The following SKAP2 variants were observed in gnomAD, a reference collection of about 807,000 sequenced individuals.
SKAP2 encodes src kinase associated phosphoprotein 2, also known as src kinase-associated phosphoprotein 2.
Under a neutral mutation model 54.9 loss-of-function variants are expected in SKAP2, and 28 were observed. The ratio of observed to expected loss-of-function variants is 0.51; its 90% confidence interval spans 0.38 to 0.70. The LOEUF (loss-of-function observed/expected upper bound fraction) is 0.70. Among genes scored for constraint, SKAP2 ranks in the 30% least tolerant of loss-of-function variants. The pLI is 0.00. For missense variants in SKAP2, 356 were observed against 424.1 expected (o/e 0.84, Z 1.41); for synonymous variants, 137 against 134.3 (o/e 1.02, Z -0.14).
At chr7:26,795,321 T>A (rs74741751) in intron 4 of SKAP2, among the ~76,000 whole-genome samples, 1 of 152,340 alleles carries the variant, frequency 6.6e-6, no homozygotes, top group East Asian at 1.9e-4. Flanking sequence ...TTCATCTGGA[T>A]GAACATACTA....
intron 4 of SKAP2, among the ~76,000 whole-genome samples, chr7:26,750,394 C>T (rs1264841237): frequency 1.3e-5 from 2 of 150,872 alleles, no homozygotes; most frequent in African/African-American, 4.9e-5. Context: ...TCGCTGCAAC[C>T]TCCAACCACC....
At chr7:26,731,876 T>C (rs542618831) in intron 6 of SKAP2, among the ~76,000 whole-genome samples, 1 of 152,358 alleles carries the variant, frequency 6.6e-6, no homozygotes, top group Admixed American at 6.5e-5. Flanking sequence ...ACAGACCTTC[T>C]ATTTTTCTGG....
chr7:26,721,858 G>A (rs917813750), intron 9 of SKAP2, among the ~76,000 whole-genome samples: 1 of 152,122 alleles, frequency 6.6e-6, no homozygotes, highest in Non-Finnish European at 1.5e-5. Flanking sequence ...GCAATTTCAC[G>A]AGTATTATTT....
At position 26,719,932 on chromosome 7, in the gene SKAP2, G is replaced by A. The variant is rs1004976289; in HGVS notation, c.796+5496C>T. On this transcript the variant is annotated intron_variant, in intron 9 of 12. Transcript: ENST00000345317. Reference sequence around the variant, plus strand: ...GTTGTCTATTACATCCCTGTGGCCAGGGTTTTTCAACCTCAGCACTATTGA... The same window carrying A: ...GTTGTCTATTACATCCCTGTGGCCAAGGTTTTTCAACCTCAGCACTATTGA... Among the ~76,000 whole-genome samples, 5 of 152,162 alleles carry A rather than the reference G, an allele frequency of 3.3e-5. No homozygotes were observed. In the East Asian group the frequency reaches 9.6e-4, roughly 29 times the overall value.
At chr7:26,664,384 G>A (rs1786070440), downstream of SKAP2, among the ~76,000 whole-genome samples, 5 of 152,150 alleles carry the variant, frequency 3.3e-5, no homozygotes, top group Admixed American at 3.3e-4. Flanking sequence ...CACATTTGAT[G>A]TGATAAAGAA....
chr7:26,676,910 C>T (rs987430195), intron 11 of SKAP2, among the ~76,000 whole-genome samples: 17 of 152,112 alleles, frequency 1.1e-4, no homozygotes, highest in African/African-American at 3.6e-4. Flanking sequence ...ACATGGCAGG[C>T]GTGAAGGCCT....
the SKAP2 span, among the ~76,000 whole-genome samples, chr7:26,661,009 T>TTTA: frequency 1.3e-5 from 2 of 152,088 alleles, no homozygotes; most frequent in Admixed American, 6.6e-5. Context: ...CTTAATAATC[T>TTTA]TAAATAAACT....
At position 26,765,014 on chromosome 7, in the gene SKAP2, C is replaced by A. The variant is rs563825181; in HGVS notation, c.308-25050G>T. Among the ~76,000 whole-genome samples, 3 of 152,266 alleles carry A rather than the reference C, an allele frequency of 2.0e-5. No homozygotes were observed. In the East Asian group the frequency reaches 5.8e-4, roughly 29 times the overall value. The stretch of plus-strand genomic sequence containing the variant: ...ACACCCAGTAATGGGATTAATGGGT[C>A]AAATGGTATTTCTGGTTCTAGATCC... On this transcript the variant is annotated intron_variant, in intron 4 of 12. Transcript: ENST00000345317.
chr7:26,818,651 G>A (rs534942899), intron 4 of SKAP2, among the ~76,000 whole-genome samples: 3 of 152,022 alleles, frequency 2.0e-5, no homozygotes, highest in Non-Finnish European at 4.4e-5. Flanking sequence ...CTACAGAATG[G>A]GAGAAAATTT....
intron 3 of SKAP2, among the ~76,000 whole-genome samples, chr7:26,847,129 A>G (rs1252782061): frequency 1.3e-5 from 2 of 152,176 alleles, no homozygotes; most frequent in East Asian, 1.9e-4. Flanking sequence ...CATTTACCTA[A>G]GACAAAATGA....
chr7:26,768,184 T>C (rs1584378509), intron 4 of SKAP2, among the ~76,000 whole-genome samples: 2 of 152,336 alleles, frequency 1.3e-5, no homozygotes, highest in African/African-American at 4.8e-5. Context: ...GCTCTTCCTG[T>C]TGCATGGATC....
chr7:26,692,193 A>AGG (rs11313387), intron 9 of SKAP2, among the ~76,000 whole-genome samples: 1 of 151,394 alleles, frequency 6.6e-6, no homozygotes, highest in African/African-American at 2.4e-5. Context: ...TGGAGGAATG[A>AGG]GGGGGGGGAA....
chr7:26,726,036 A>G, intron 7 of SKAP2, 50 bp from the exon 8 acceptor site: 1 of 1,203,096 alleles, frequency 8.3e-7, no homozygotes, highest in Non-Finnish European at 1.2e-6. Context: ...TAGGAATGAA[A>G]GGTATGTTGT....
At chr7:26,664,386 G>A (rs1786070482), downstream of SKAP2, among the ~76,000 whole-genome samples, 1 of 152,128 alleles carries the variant, frequency 6.6e-6, no homozygotes, top group Non-Finnish European at 1.5e-5. Flanking sequence ...CATTTGATGT[G>A]ATAAAGAACA....
chr7:26,788,467 C>T (rs1783604927), intron 4 of SKAP2, among the ~76,000 whole-genome samples: 1 of 151,920 alleles, frequency 6.6e-6, no homozygotes, highest in Admixed American at 6.6e-5. Context: ...TAATAATTAG[C>T]TTATTTTTCT....
At chr7:26,726,639 C>T (rs1255869254) in intron 7 of SKAP2, 4 of 328,004 alleles carry the variant, frequency 1.2e-5, no homozygotes, top group Non-Finnish European at 2.2e-5. Context: ...ATGTGTGCAA[C>T]ATGTGAAGTA....
At chr7:26,835,400 C>A (rs1226817832) in intron 4 of SKAP2, among the ~76,000 whole-genome samples, 1 of 152,118 alleles carries the variant, frequency 6.6e-6, no homozygotes, top group Non-Finnish European at 1.5e-5. Flanking sequence ...GAGAGGGAGA[C>A]AAATTGTCTG....
chr7:26,711,065 G>A lies in SKAP2; in HGVS notation c.796+14363C>T, dbSNP rs999151739. ...ATTTTGTTTCTAGTGGAATGACCAC[G>A]AAGGTTCCACCTGAGCAGGTTTAAC... On this transcript the variant is annotated intron_variant, in intron 9 of 12. Coordinates refer to ENST00000345317, the MANE Select transcript of SKAP2 (RefSeq NM_003930.5). 3.9e-5 allele frequency among the ~76,000 whole-genome samples: 6 copies of A among 152,240 alleles called. No homozygotes were observed. In the South Asian group the frequency reaches 8.3e-4, roughly 21 times the overall value.
chr7:26,670,223 T>G (rs200480056), intron 11 of SKAP2, 31 bp from the exon 12 acceptor site: 2 of 979,716 alleles, frequency 2.0e-6, no homozygotes, highest in African/African-American at 3.2e-5. Flanking sequence ...ATATTAACCT[T>G]TAGACTGGTG....
Sources: gnomAD v4.1 joint callset for allele counts (sites outside exome capture counted in the v4.1 genomes callset) on GRCh38, gnomAD v4.1.1 for gene constraint, MANE v1.5 for transcripts, NCBI Gene and HGNC (gene_info 2026-07-23, HGNC 2026-07-21) for gene names.